The following MGLL variants were observed in gnomAD, a reference collection of about 807,000 sequenced individuals.
MGLL encodes monoglyceride lipase.
A neutral mutation model predicts 29.1 loss-of-function variants in MGLL; 7 were observed. The observed-to-expected ratio is 0.24, with a 90% CI of 0.14 to 0.45. MGLL has a LOEUF of 0.45. Ranked by LOEUF, MGLL falls within the 20% of genes least tolerant of loss-of-function variation. The probability of loss-of-function intolerance (pLI) is 0.99; values close to 1 mark genes in which losing one functional copy is unlikely to be tolerated. For missense variants in MGLL, 356 were observed against 413.6 expected (o/e 0.86, Z 1.21); for synonymous variants, 148 against 168.3 (o/e 0.88, Z 0.93).
intron 3 of MGLL, chr3:127,736,243 T>TAA (rs5852521): frequency 6.9e-5 from 68 of 986,314 alleles, no homozygotes; most frequent in Middle Eastern, 5.1e-4. Flanking sequence ...CAAATTGCTT[T>TAA]AAAAAAATGG....
chr3:127,728,013 C>A (rs181311771), intron 3 of MGLL, among the ~76,000 whole-genome samples: 119 of 152,242 alleles, frequency 7.8e-4, no homozygotes, highest in Non-Finnish European at 1.5e-3. Flanking sequence ...TAATTATTTT[C>A]TCTGTGTGCT....
At chr3:127,750,708 C>CTA (rs142094892) in intron 3 of MGLL, among the ~76,000 whole-genome samples, 3,946 of 152,140 alleles carry the variant, frequency 0.026, 177 homozygotes, top group African/African-American at 0.09. Flanking sequence ...TGAGTGAAGG[C>CTA]TAATTGTTTT....
rs1576463366 is a variant in MGLL at position 127,693,444 on chromosome 3, G to A, written c.817-1121C>T. Reference sequence around the variant, plus strand: ...AGAAGTTTAGACTTCACAGGTGGTGGGGCTCCCCTGCCCCCCGCCACCAGC... The same window carrying A: ...AGAAGTTTAGACTTCACAGGTGGTGAGGCTCCCCTGCCCCCCGCCACCAGC... On this transcript the variant is annotated intron_variant, in intron 7 of 7. Coordinates refer to ENST00000265052, the MANE Select transcript of MGLL (RefSeq NM_007283.7). Among the ~76,000 whole-genome samples the A allele has an allele frequency of 3.3e-5, 5 of 152,272 alleles. No individual in the cohort carries two copies. In the South Asian group the frequency reaches 1.0e-3, roughly 32 times the overall value.
intron 7 of MGLL, 42 bp downstream of exon 7, chr3:127,694,933 C>T (rs774664509): frequency 1.9e-6 from 3 of 1,597,190 alleles, no homozygotes; most frequent in Non-Finnish European, 1.7e-6. Context: ...TTCCTGTCCC[C>T]CCTCCACCTT....
intron 3 of MGLL, among the ~76,000 whole-genome samples, chr3:127,734,305 G>A (rs62270464): frequency 0.092 from 13,945 of 152,258 alleles, 747 homozygotes; most frequent in Non-Finnish European, 0.12. Flanking sequence ...GAATGCCAGC[G>A]AGGCCGGCCT....
At chr3:127,702,106 G>A (rs2075502505) in intron 6 of MGLL, among the ~76,000 whole-genome samples, 1 of 152,236 alleles carries the variant, frequency 6.6e-6, no homozygotes, top group Admixed American at 6.5e-5. Flanking sequence ...AGGTCACACT[G>A]AGGAGATGGA....
chr3:127,740,798 A>G (rs2076326489), intron 3 of MGLL, among the ~76,000 whole-genome samples: 1 of 152,234 alleles, frequency 6.6e-6, no homozygotes, highest in Admixed American at 6.5e-5. Context: ...GTGTCGACGT[A>G]GTGTGGGGAC....
At chr3:127,715,486 A>G (rs1042580486) in intron 5 of MGLL, 22 of 350,672 alleles carry the variant, frequency 6.3e-5, no homozygotes, top group Non-Finnish European at 1.2e-4. Flanking sequence ...GAAAGAGGAG[A>G]GCTGCCATGC....
intron 6 of MGLL, among the ~76,000 whole-genome samples, chr3:127,702,692 CTGTT>C (rs748870704): frequency 1.8e-3 from 275 of 152,212 alleles, no homozygotes; most frequent in African/African-American, 6.2e-3. Context: ...ATCCTGGCAT[CTGTT>C]TGTTTGTTTG....
In MGLL at chr3:127,691,977, C is replaced by CT; in HGVS notation, c.*220dup. 3 of 616,758 alleles carry CT rather than the reference C, an allele frequency of 4.9e-6. No homozygotes were observed. The highest frequency in any genetic ancestry group is 8.2e-6 in the Non-Finnish European group (3 of 365,188). 38.2% of individuals were successfully genotyped at this position (616,758 alleles called of 1,614,324 possible). ...GTGGAAAATCACCTGGGACCTTTCTCTTTTTTTGCATAAAGTGTCTAACCA... is the reference window on the plus strand; with the variant it reads ...GTGGAAAATCACCTGGGACCTTTCTCTTTTTTTTGCATAAAGTGTCTAACCA... On this transcript the variant is annotated 3_prime_UTR_variant, in exon 8 of 8. Transcript: ENST00000265052.
chr3:127,714,779 C>T (rs2075784213), intron 5 of MGLL, among the ~76,000 whole-genome samples: 1 of 152,172 alleles, frequency 6.6e-6, no homozygotes. Context: ...ACACCATTCA[C>T]AGGAAAGGTG....
chr3:127,731,656 A>G (rs957737368), intron 3 of MGLL, among the ~76,000 whole-genome samples: 3 of 152,022 alleles, frequency 2.0e-5, no homozygotes, highest in African/African-American at 7.2e-5. Context: ...AAACTAATCA[A>G]TCCTAAACCT....
chr3:127,714,494 G>A (rs367923895), intron 5 of MGLL, among the ~76,000 whole-genome samples: 35 of 152,314 alleles, frequency 2.3e-4, no homozygotes, highest in African/African-American at 7.9e-4. Context: ...AAACTCCCGT[G>A]GCTGATGGTG....
chr3:127,811,589 A>G (rs1310460278), intron 2 of MGLL, among the ~76,000 whole-genome samples: 1 of 152,224 alleles, frequency 6.6e-6, no homozygotes, highest in Non-Finnish European at 1.5e-5. Context: ...GCCTTCACAT[A>G]CTGCCTCTGG....
chr3:127,713,135 T>A (rs584886), intron 5 of MGLL: 5,316 of 152,336 alleles, frequency 0.035, 225 homozygotes, highest in African/African-American at 0.097. Context: ...AAGAACTCAC[T>A]TCTAGATATT....
Position 127,689,870 on chromosome 3 carries a change from C to T in MGLL, c.*2328G>A, listed in dbSNP as rs2075212972. 6.6e-6 allele frequency: 1 copy of T among 152,234 alleles called. No homozygotes were observed. The highest frequency in any genetic ancestry group is 2.4e-5 in the African/African-American group (1 of 41,450). 9.4% of individuals were successfully genotyped at this position (152,234 alleles called of 1,614,324 possible). A position where few individuals can be genotyped will look rare whatever the true frequency, so the allele number is the denominator to read the frequency against. ...GACATGGTGGGCGGATGTACCAGCC[C>T]TTCTGGATAACATGACAGTCCCAAT... On this transcript the variant is annotated 3_prime_UTR_variant, in exon 8 of 8. Transcript: ENST00000265052.
chr3:127,792,586 C>T lies in MGLL; in HGVS notation c.156-10691G>A, dbSNP rs991050855. On this transcript the variant is annotated intron_variant, in intron 2 of 7. Coordinates refer to ENST00000265052, the MANE Select transcript of MGLL (RefSeq NM_007283.7). ...GGTGTTGTGGCACACGCCTGTAGTC[C>T]CAGCTGCTCAGGAGGCTGAGGCAGG... Among the ~76,000 whole-genome samples, 9 of 152,194 alleles carry T rather than the reference C, an allele frequency of 5.9e-5. No individual in the cohort carries two copies. In the East Asian group the frequency reaches 1.2e-3, roughly 20 times the overall value.
chr3:127,780,833 G>C (rs1209960187), intron 3 of MGLL, among the ~76,000 whole-genome samples: 1 of 152,158 alleles, frequency 6.6e-6, no homozygotes, highest in Admixed American at 6.5e-5. Context: ...AACATTTCTG[G>C]ATCTGGGCCA....
Position 127,689,328 on chromosome 3 carries a change from C to T in MGLL, c.*2870G>A, listed in dbSNP as rs958609093. 3 of 152,194 alleles carry T rather than the reference C, an allele frequency of 2.0e-5. No homozygotes were observed. Among genetic ancestry groups the T allele is most frequent in the Non-Finnish European group, 2.9e-5 (2 of 68,076 alleles). 9.4% of individuals were successfully genotyped at this position (152,194 alleles called of 1,614,324 possible). A position where few individuals can be genotyped will look rare whatever the true frequency, so the allele number is the denominator to read the frequency against. Reference sequence around the variant, plus strand: ...TCCTGTGGGTTTTCAGAGCACCCACCAGTGCTCCCTCGGTGAGCCCAGCAC... The same window carrying T: ...TCCTGTGGGTTTTCAGAGCACCCACTAGTGCTCCCTCGGTGAGCCCAGCAC... On this transcript the variant is annotated 3_prime_UTR_variant, in exon 8 of 8. Transcript: ENST00000265052.
Sources: gnomAD v4.1 joint callset for allele counts (sites outside exome capture counted in the v4.1 genomes callset) on GRCh38, gnomAD v4.1.1 for gene constraint, MANE v1.5 for transcripts, NCBI Gene and HGNC (gene_info 2026-07-23, HGNC 2026-07-21) for gene names.